The following SUMF1 variants were observed in gnomAD, a reference collection of about 807,000 sequenced individuals.
SUMF1 encodes the protein sulfatase modifying factor 1.
In SUMF1, 48 loss-of-function variants were observed where a neutral mutation model predicts 47.6. The observed-to-expected ratio is 1.01, with a 90% CI of 0.80 to 1.28. SUMF1 has a LOEUF of 1.28. SUMF1 is among the 50% of genes most tolerant of loss of function. SUMF1 has a pLI of 0.00. For missense variants in SUMF1, 571 were observed against 485.4 expected (o/e 1.18, Z -1.66); for synonymous variants, 230 against 192.1 (o/e 1.20, Z -1.63).
At chr3:4,144,035 TGCTGGAGTGTAGTGGCCCGATCTCG>T (rs1219380659) in intron 8 of SUMF1, among the ~76,000 whole-genome samples, 2 of 148,722 alleles carry the variant, frequency 1.3e-5, no homozygotes, top group Non-Finnish European at 3.0e-5. Flanking sequence ...CTGTCACCCA[TGCTGGAGTGTAGTGGCCCGATCTCG>T]GCTCTCTGCA....
intron 8 of SUMF1, among the ~76,000 whole-genome samples, chr3:4,254,944 A>AG (rs968247513): frequency 1.2e-4 from 18 of 152,124 alleles, no homozygotes; most frequent in Admixed American, 2.6e-4. Flanking sequence ...GCCAGAAGAG[A>AG]GGGGGGGCCA....
intron 8 of SUMF1, among the ~76,000 whole-genome samples, chr3:4,144,333 A>C (rs999017166): frequency 2.6e-5 from 4 of 152,090 alleles, no homozygotes; most frequent in African/African-American, 9.7e-5. Flanking sequence ...GTGGCAGATG[A>C]GAAAAGAGGT....
At chr3:4,334,792 C>G (rs551880715) in intron 8 of SUMF1, among the ~76,000 whole-genome samples, 19 of 152,288 alleles carry the variant, frequency 1.2e-4, no homozygotes, top group African/African-American at 4.6e-4. Flanking sequence ...GATTAGGAAA[C>G]GAACTCAAGC....
At chr3:4,213,312 A>C (rs1361497666) in intron 8 of SUMF1, among the ~76,000 whole-genome samples, 1 of 152,198 alleles carries the variant, frequency 6.6e-6, no homozygotes, top group Non-Finnish European at 1.5e-5. Flanking sequence ...CAGTCAAACT[A>C]AGCTTCATAA....
intron 8 of SUMF1, among the ~76,000 whole-genome samples, chr3:4,227,090 C>A (rs1696190854): frequency 6.6e-6 from 1 of 152,100 alleles, no homozygotes; most frequent in Non-Finnish European, 1.5e-5. Flanking sequence ...CCCATTCTAG[C>A]CCTCAACTCA....
intron 8 of SUMF1, among the ~76,000 whole-genome samples, chr3:4,319,652 C>G (rs1698780377): frequency 6.6e-6 from 1 of 152,216 alleles, no homozygotes; most frequent in Non-Finnish European, 1.5e-5. Flanking sequence ...ACAGTTGGAA[C>G]AGTTTCACTT....
At chr3:4,232,718 C>T (rs913752814) in intron 8 of SUMF1, among the ~76,000 whole-genome samples, 2 of 151,550 alleles carry the variant, frequency 1.3e-5, no homozygotes, top group East Asian at 3.9e-4. Context: ...AAAGGCAGTC[C>T]GGGGTATAGA....
In SUMF1 at chr3:4,362,179, G is replaced by A. The variant is rs749318590; in HGVS notation, c.1090C>T (p.Arg364Cys). 14 of 1,614,048 alleles carry A rather than the reference G, an allele frequency of 8.7e-6. No individual in the cohort carries two copies. The highest frequency in any genetic ancestry group is 3.3e-5 in the Admixed American group (2 of 60,012). ...PDSSASNLGFRCAADRLPTMD is the reference protein window; with the variant it reads ...PDSSASNLGFCCAADRLPTMD ...GTGGGCAGGCGGTCGGCTGCACAGC[G>A]GAATCCCAGATTCGAAGCAGAGCTA... The change falls in exon 9 of 9, where the codon CGC (arginine) becomes TGC (cysteine). Residue 364 changes from arginine (R) to cysteine (C), a missense_variant. By Grantham distance (180) the Arg-to-Cys change is radical. Coordinates refer to ENST00000272902, the MANE Select transcript of SUMF1 (RefSeq NM_182760.4).
chr3:4,138,773 A>G (rs998742799), intron 8 of SUMF1, among the ~76,000 whole-genome samples: 8 of 152,052 alleles, frequency 5.3e-5, no homozygotes, highest in Non-Finnish European at 1.0e-4. Context: ...ATAAAATTGT[A>G]ATTATGGTTA....
chr3:4,452,213 AATAAGT>A (rs990821626), intron 2 of SUMF1, among the ~76,000 whole-genome samples: 2 of 152,194 alleles, frequency 1.3e-5, no homozygotes, highest in Non-Finnish European at 2.9e-5. Context: ...AAGCATATAA[AATAAGT>A]ATATTTCAGA....
chr3:4,224,565 C>G (rs1369676227), intron 8 of SUMF1, among the ~76,000 whole-genome samples: 1 of 151,970 alleles, frequency 6.6e-6, no homozygotes, highest in African/African-American at 2.4e-5. Flanking sequence ...TAGTTCACAA[C>G]TAGCACAGCA....
chr3:4,312,445 T>C (rs1032965521), intron 8 of SUMF1, among the ~76,000 whole-genome samples: 15 of 152,070 alleles, frequency 9.9e-5, no homozygotes, highest in Admixed American at 9.8e-4. Flanking sequence ...TAATAATACA[T>C]ATATATGTCC....
At chr3:4,119,541 G>T (rs1693493729) in intron 8 of SUMF1, among the ~76,000 whole-genome samples, 1 of 152,058 alleles carries the variant, frequency 6.6e-6, no homozygotes, top group African/African-American at 2.4e-5. Flanking sequence ...TCTTCAACTG[G>T]AAAACTTACT....
At chr3:4,055,066 G>A (rs79661965) in intron 9 of SUMF1, among the ~76,000 whole-genome samples, 10 of 152,234 alleles carry the variant, frequency 6.6e-5, no homozygotes, top group Middle Eastern at 3.4e-3. Context: ...TTCTCACTGC[G>A]TGTTGTTGAA....
chr3:4,281,365 C>A (rs962497551), intron 8 of SUMF1, among the ~76,000 whole-genome samples: 3 of 151,964 alleles, frequency 2.0e-5, no homozygotes, highest in Admixed American at 6.6e-5. Flanking sequence ...GAGAAAAAGC[C>A]AGAGAAAAGG....
rs370099117 is a variant in SUMF1, at chr3:4,335,483, G to T, written c.1014+40847C>A. 6.6e-4 allele frequency among the ~76,000 whole-genome samples: 101 copies of T among 152,254 alleles called. 3 individuals carry two copies. The South Asian group carries it at 0.021, about 31-fold the overall frequency. On this transcript the variant is annotated intron_variant and NMD_transcript_variant, in intron 8 of 12. Coordinates refer to the SUMF1 transcript ENST00000448413. ...GCTAAAGGCTACTCTCCACCATCAC[G>T]GAAGTGGGAAACTCATCTTCCTTGC...
At chr3:4,336,737 A>C (rs951543172) in intron 8 of SUMF1, among the ~76,000 whole-genome samples, 5 of 152,260 alleles carry the variant, frequency 3.3e-5, no homozygotes, top group Non-Finnish European at 5.9e-5. Context: ...GCATGATCAA[A>C]GATAATTCAA....
Position 4,361,852 on chromosome 3 carries a change from A to T in SUMF1, c.*292T>A, listed in dbSNP as rs74979662. The stretch of plus-strand genomic sequence containing the variant: ...ACCCCTGTGGCAGAGCCTGCGTAGG[A>T]CGCGGGCCTCCTGAAGCCTAGCTCA... On this transcript the variant is annotated 3_prime_UTR_variant, in exon 9 of 9. Coordinates refer to ENST00000272902, the MANE Select transcript of SUMF1 (RefSeq NM_182760.4). The T allele has an allele frequency of 0.031, 12,700 of 414,266 alleles. 222 individuals carry two copies. Among genetic ancestry groups the T allele is most frequent in the African/African-American group, 0.037 (1,804 of 49,132 alleles). The allele number at this position is 414,266 out of a possible 1,614,324, so 25.7% of individuals were successfully genotyped here. A position where few individuals can be genotyped will look rare whatever the true frequency, so the allele number is the denominator to read the frequency against.
At chr3:4,334,070 G>A (rs1699099678) in intron 8 of SUMF1, among the ~76,000 whole-genome samples, 1 of 151,970 alleles carries the variant, frequency 6.6e-6, no homozygotes, top group South Asian at 2.1e-4. Context: ...CATGGCTACA[G>A]TGAGCCCTGG....
Sources: gnomAD v4.1 joint callset for allele counts (sites outside exome capture counted in the v4.1 genomes callset) on GRCh38, gnomAD v4.1.1 for gene constraint, MANE v1.5 for transcripts, NCBI Gene and HGNC (gene_info 2026-07-23, HGNC 2026-07-21) for gene names.